Variants in GOLGA1 observed in about 807,000 individuals in gnomAD.
GOLGA1 encodes the protein golgin subfamily A member 1.
GOLGA1 carries 63 observed loss-of-function variants against 119.7 expected under a neutral mutation model. The ratio of observed to expected loss-of-function variants is 0.53; its 90% CI spans 0.43 to 0.65. The LOEUF is 0.65. GOLGA1 is among the 30% of genes least tolerant of loss of function. GOLGA1 has a pLI of 0.00. For synonymous variants in GOLGA1, 318 were observed against 333.4 expected (o/e 0.95, Z 0.50); for missense variants, 798 against 912.8 (o/e 0.87, Z 1.62).
rs1395059699 is a variant in GOLGA1 at position 124,895,896 on chromosome 9, CCCACAACAGAGAACCAT to C, written c.1407+2636_1407+2652del. On this transcript the variant is annotated intron_variant, in intron 15 of 22. Coordinates refer to ENST00000373555, the MANE Select transcript of GOLGA1 (RefSeq NM_002077.4). ...GAGACCCACCCACAACAGAGACCCA[CCCACAACAGAGAACCAT>C]CCACAACAGAGACCCTCCACAACAG... 9.9e-3 allele frequency among the ~76,000 whole-genome samples: 1,440 copies of C among 145,442 alleles called. 22 individuals are homozygous for C. Among genetic ancestry groups the C allele is most frequent in the African/African-American group, 0.037 (1,367 of 37,364 alleles).
intron 10 of GOLGA1, among the ~76,000 whole-genome samples, chr9:124,916,269 C>T (rs1180981005): frequency 6.6e-6 from 1 of 151,262 alleles, no homozygotes; most frequent in African/African-American, 2.4e-5. Flanking sequence ...AACTGCTATC[C>T]AGTAGAGTAA....
Position 124,921,772 on chromosome 9 carries a change from G to C in GOLGA1, c.682C>G (p.Gln228Glu). Residue 228 changes from glutamine (Q) to glutamate (E), a missense_variant, in exon 9 of 23, where the codon CAG becomes GAG. By Grantham distance (29) the Gln-to-Glu change is conservative. Coordinates refer to ENST00000373555, the MANE Select transcript of GOLGA1 (RefSeq NM_002077.4). ...TGTCTCTGCAATTCTTCTAGCTTCT[G>C]GCTTAAGTCTGATGACATCTGATTG... is the stretch of plus-strand genomic sequence containing the variant. ...NSNQMSSDLS[Q>E]KLEELQRHYS... The C allele has an allele frequency of 6.2e-7, 1 of 1,613,868 alleles. No individual in the cohort carries two copies. The highest frequency in any genetic ancestry group is 8.5e-7 in the Non-Finnish European group (1 of 1,179,738).
intron 11 of GOLGA1, 128 bp from the exon 12 acceptor site, chr9:124,908,600 C>T (rs1054682576): frequency 1.5e-6 from 1 of 649,724 alleles, no homozygotes; most frequent in Non-Finnish European, 2.8e-6. Flanking sequence ...AATAATTCAG[C>T]TAATTGAGAA....
chr9:124,927,563 T>TA (rs567665932), intron 6 of GOLGA1, among the ~76,000 whole-genome samples: 47 of 152,368 alleles, frequency 3.1e-4, no homozygotes, highest in African/African-American at 9.1e-4. Flanking sequence ...AAATCAAAAT[T>TA]AACATTATAA....
At position 124,901,058 on chromosome 9, in the gene GOLGA1, G is replaced by C. The variant is rs539594776; in HGVS notation, c.1066-511C>G. ...ATGATCTCCACTCACTGCAAGCTCC[G>C]CCTCCTGGGTTCACGTCATTCTCCT... On this transcript the variant is annotated intron_variant, in intron 12 of 22. Coordinates refer to ENST00000373555, the MANE Select transcript of GOLGA1 (RefSeq NM_002077.4). Among the ~76,000 whole-genome samples, 42 of 146,848 alleles carry C rather than the reference G, an allele frequency of 2.9e-4. No individual in the cohort carries two copies. In the South Asian group the frequency reaches 3.1e-3, roughly 11 times the overall value.
chr9:124,942,051 G>A (rs896680277), upstream of GOLGA1, among the ~76,000 whole-genome samples: 8 of 152,194 alleles, frequency 5.3e-5, no homozygotes, highest in African/African-American at 1.9e-4. Flanking sequence ...CGAGGCGGGT[G>A]GTTCACCCGA....
At chr9:124,903,632 A>C (rs375807750) in intron 12 of GOLGA1, among the ~76,000 whole-genome samples, 1 of 145,756 alleles carries the variant, frequency 6.9e-6, no homozygotes, top group African/African-American at 2.5e-5. Flanking sequence ...TGTTCTCCAC[A>C]AAAAGGGGAG....
rs1830573229 is a variant in GOLGA1 at position 124,921,742 on chromosome 9, A to G, written c.712T>C (p.Ser238Pro). ...AAGAACCTCTGCTCTTCCAGCGTTG[A>G]GTAGTGTCTCTGCAATTCTTCTAGC... The part of the protein sequence containing the change: ...QKLEELQRHY[S>P]TLEEQRDHVI... Residue 238 changes from serine to proline, a missense_variant, in exon 9 of 23, where the codon TCA becomes CCA. By Grantham distance (74) the Ser-to-Pro change is moderately conservative. Coordinates refer to ENST00000373555, the MANE Select transcript of GOLGA1 (RefSeq NM_002077.4). 1.2e-6 allele frequency: 2 copies of G among 1,613,812 alleles called. No homozygotes were observed. The highest frequency in any genetic ancestry group is 1.7e-6 in the Non-Finnish European group (2 of 1,179,752).
Position 124,946,529 on chromosome 9 carries a change from T to C in GOLGA1, c.-156+1389A>G, listed in dbSNP as rs1054964453. The stretch of plus-strand genomic sequence containing the variant: ...TCATGCAAAAATAACCTCTACTTAA[T>C]TTCTGCAGTGAATGTATTTAAGTGT... On this transcript the variant is annotated intron_variant, in intron 1 of 4. Coordinates refer to the GOLGA1 transcript ENST00000421514. This position sits in a 1 kb window ranked among gnomAD's most constrained non-coding sequence, Gnocchi z 4.0. 2 of 152,350 alleles carry C rather than the reference T, an allele frequency of 1.3e-5. No individual in the cohort carries two copies. Among genetic ancestry groups the C allele is most frequent in the East Asian group, 1.9e-4 (1 of 5,186 alleles). The allele number at this position is 152,350 out of a possible 1,614,324, so 9.4% of individuals were successfully genotyped here. A position where few individuals can be genotyped will look rare whatever the true frequency, so the allele number is the denominator to read the frequency against.
At chr9:124,936,467 G>A (rs985098108) in intron 3 of GOLGA1, among the ~76,000 whole-genome samples, 7 of 152,036 alleles carry the variant, frequency 4.6e-5, no homozygotes, top group Admixed American at 1.3e-4. Flanking sequence ...TAGAGACAGA[G>A]TCTTGCTCTG....
chr9:124,915,027 A>T (rs79613083), intron 10 of GOLGA1, among the ~76,000 whole-genome samples: 4,309 of 152,302 alleles, frequency 0.028, 91 homozygotes, highest in Non-Finnish European at 0.045. Context: ...CTACGGGAAC[A>T]GTTACCAAGC....
chr9:124,917,524 A>G (rs1458796641), intron 10 of GOLGA1, among the ~76,000 whole-genome samples: 1 of 152,026 alleles, frequency 6.6e-6, no homozygotes, highest in Admixed American at 6.6e-5. Flanking sequence ...TAGTTCTTAC[A>G]TTTGTCTACC....
Position 124,912,046 on chromosome 9 carries a change from T to A in GOLGA1, c.844-20A>T, listed in dbSNP as rs1429810461. On this transcript the variant is annotated intron_variant, in intron 10 of 22. Coordinates refer to ENST00000373555, the MANE Select transcript of GOLGA1 (RefSeq NM_002077.4). ...AGTGACCTGCAGGTGAAAGCAGAGA[T>A]CACTCTATACTAGAAGCCCTCTCTT... 1 of 1,610,478 alleles carries A rather than the reference T, an allele frequency of 6.2e-7. No homozygotes were observed. The highest frequency in any genetic ancestry group is 8.5e-7 in the Non-Finnish European group (1 of 1,177,680).
At chr9:124,947,924 A>G (rs542015501) in exon 1 of GOLGA1, 1 of 152,314 alleles carries the variant, frequency 6.6e-6, no homozygotes, top group South Asian at 2.1e-4. Flanking sequence ...GTACCTGACT[A>G]TATTTCCAGT....
At chr9:124,884,623 A>G (rs1400526150) in intron 19 of GOLGA1, among the ~76,000 whole-genome samples, 2 of 152,132 alleles carry the variant, frequency 1.3e-5, no homozygotes, top group African/African-American at 4.8e-5. Context: ...GAGTCAGAAG[A>G]CCACAGTTTC....
In GOLGA1 at chr9:124,888,389, G is replaced by C; in HGVS notation, c.1769C>G (p.Ser590Trp). 1.9e-6 allele frequency: 3 copies of C among 1,613,932 alleles called. No individual in the cohort carries two copies. The highest frequency in any genetic ancestry group is 2.5e-6 in the Non-Finnish European group (3 of 1,179,858). ...GAACACAGGGTCCTGCATGGCCCTCGAGGTCACCTACAAGGTGGCAGCAGC... is the reference window on the plus strand; with the variant it reads ...GAACACAGGGTCCTGCATGGCCCTCCAGGTCACCTACAAGGTGGCAGCAGC... ...ALSVNESHVTSRAMQDPVFQL... is the reference protein window; with the variant it reads ...ALSVNESHVTWRAMQDPVFQL... The change falls in exon 19 of 23, where the codon TCG (serine) becomes TGG (tryptophan). Residue 590 changes from serine to tryptophan, a missense_variant. Coordinates refer to ENST00000373555, the MANE Select transcript of GOLGA1 (RefSeq NM_002077.4). This position sits in a 1 kb window ranked among gnomAD's most constrained non-coding sequence, Gnocchi z 4.4.
chr9:124,920,574 G>A (rs1830545754), intron 10 of GOLGA1, among the ~76,000 whole-genome samples: 2 of 152,066 alleles, frequency 1.3e-5, no homozygotes. Flanking sequence ...TATGTCAAAG[G>A]TACAGCCCTG....
rs373343489 is a variant in GOLGA1, at chr9:124,908,370, T to G, written c.1065+7A>C. On this transcript the variant is annotated splice_region_variant and intron_variant, in intron 12 of 22. Transcript: ENST00000373555. ...AACTTAGGAAACACCAGGAGTAAGGTCAGTACCCGAGTCTCCAGGGTGTTA... is the reference window on the plus strand; with the variant it reads ...AACTTAGGAAACACCAGGAGTAAGGGCAGTACCCGAGTCTCCAGGGTGTTA... 1.3e-6 allele frequency: 2 copies of G among 1,501,122 alleles called. No individual in the cohort carries two copies. The highest frequency in any genetic ancestry group is 1.9e-6 in the Non-Finnish European group (2 of 1,076,844). The allele number at this position is 1,501,122 out of a possible 1,614,324, so 93.0% of individuals were successfully genotyped here.
At chr9:124,912,929 C>T (rs2131457268) in intron 10 of GOLGA1, among the ~76,000 whole-genome samples, 1 of 152,282 alleles carries the variant, frequency 6.6e-6, no homozygotes, top group East Asian at 1.9e-4. Context: ...TCTTCAACTG[C>T]TGCTTGTATT....
Sources: allele counts gnomAD v4.1 joint callset (sites outside exome capture counted in the v4.1 genomes callset), GRCh38; gene constraint gnomAD v4.1.1; non-coding constraint Gnocchi (gnomAD v3.1); transcripts MANE v1.5; gene names NCBI Gene and HGNC (gene_info 2026-07-23, HGNC 2026-07-21).